Variants in MYO9B observed in about 807,000 individuals in gnomAD.
MYO9B encodes unconventional myosin-IXb.
In MYO9B, 71 loss-of-function variants were observed where a neutral mutation model predicts 229.5. The ratio of observed to expected loss-of-function variants is 0.31; its 90% CI spans 0.26 to 0.38. The LOEUF is 0.38. Ranked by LOEUF, MYO9B falls within the 10% of genes least tolerant of loss-of-function variation. MYO9B has a pLI of 1.00. For synonymous variants in MYO9B, 1,185 were observed against 1,235.8 expected, an observed-to-expected ratio of 0.96 and a Z score of 0.86; for missense variants, 2,255 against 2,920.5, an observed-to-expected ratio of 0.77 and a Z score of 5.25.
chr19:17,119,591 C>G (rs944895831), intron 2 of MYO9B, among the ~76,000 whole-genome samples: 1 of 152,134 alleles, frequency 6.6e-6, no homozygotes, highest in African/African-American at 2.4e-5. Context: ...CCCAGCACTT[C>G]AGGAGGCCGA....
chr19:17,125,610 C>A (rs1340413975), intron 2 of MYO9B, among the ~76,000 whole-genome samples: 1 of 152,158 alleles, frequency 6.6e-6, no homozygotes, highest in African/African-American at 2.4e-5. Context: ...GGGCCACGTC[C>A]TAGCCCTGGG....
chr19:17,121,980 C>T (rs2057970106), intron 2 of MYO9B, among the ~76,000 whole-genome samples: 1 of 149,764 alleles, frequency 6.7e-6, no homozygotes, highest in Non-Finnish European at 1.5e-5. Context: ...GAATGCAACC[C>T]TGTCTCAAAA....
chr19:17,144,969 C>CAAAAAAAAAAAAAAAAAA (rs58527501), intron 2 of MYO9B, among the ~76,000 whole-genome samples: 2 of 83,590 alleles, frequency 2.4e-5, no homozygotes, highest in East Asian at 3.1e-4. Context: ...GACTTCATCT[C>CAAAAAAAAAAAAAAAAAA]AAAAAAAAAA....
At chr19:17,142,421 T>C (rs1568271124) in intron 2 of MYO9B, among the ~76,000 whole-genome samples, 1 of 152,282 alleles carries the variant, frequency 6.6e-6, no homozygotes, top group East Asian at 1.9e-4. Context: ...TGAATGCCAC[T>C]GAATTGTACA....
At chr19:17,173,111 C>A in intron 13 of MYO9B, 148 bp downstream of exon 13, 1 of 1,024,434 alleles carries the variant, frequency 9.8e-7, no homozygotes, top group Non-Finnish European at 1.4e-6. Flanking sequence ...GTTCCTGTCA[C>A]CCTGAACAGA....
chr19:17,097,012 T>TA (rs1268280614), intron 1 of MYO9B, among the ~76,000 whole-genome samples: 1 of 151,494 alleles, frequency 6.6e-6, no homozygotes. Context: ...TTTTAAGAAA[T>TA]AGAGTCTCTG....
chr19:17,140,447 C>G (rs2072323970), intron 2 of MYO9B, among the ~76,000 whole-genome samples: 1 of 152,036 alleles, frequency 6.6e-6, no homozygotes, highest in Admixed American at 6.6e-5. Flanking sequence ...ACCTCATCAC[C>G]TCCCAAAGAC....
chr19:17,115,314 G>A (rs1199468172), intron 2 of MYO9B, among the ~76,000 whole-genome samples: 4 of 152,192 alleles, frequency 2.6e-5, no homozygotes, highest in East Asian at 1.9e-4. Context: ...GTGCAGAGCC[G>A]AGTAATTGCA....
At chr19:17,158,873 G>A (rs1031575234) in intron 7 of MYO9B, among the ~76,000 whole-genome samples, 1 of 152,182 alleles carries the variant, frequency 6.6e-6, no homozygotes, top group Non-Finnish European at 1.5e-5. Context: ...TGCTATGTGG[G>A]AATTCTGAAA....
intron 2 of MYO9B, among the ~76,000 whole-genome samples, chr19:17,143,181 G>T (rs137899627): frequency 6.6e-6 from 1 of 152,008 alleles, no homozygotes. Context: ...GGAGATTGCC[G>T]TGAGCTGAGA....
intron 22 of MYO9B, 139 bp from the exon 23 acceptor site, chr19:17,197,653 C>G: frequency 2.1e-6 from 2 of 952,626 alleles, no homozygotes; most frequent in South Asian, 3.1e-5. Context: ...GTGGTGACAA[C>G]CAAAACTGTC....
chr19:17,090,619 A>G (rs886748566), intron 1 of MYO9B, among the ~76,000 whole-genome samples: 1 of 152,152 alleles, frequency 6.6e-6, no homozygotes, highest in African/African-American at 2.4e-5. Context: ...TTGTTCTTAC[A>G]CAAGGCCTTG....
Position 17,195,574 on chromosome 19 carries a change from C to A in MYO9B, c.4046+101C>A. 1.4e-6 allele frequency: 2 copies of A among 1,417,404 alleles called. No homozygotes were observed. The highest frequency in any genetic ancestry group is 1.9e-6 in the Non-Finnish European group (2 of 1,050,218). 87.8% of individuals were successfully genotyped at this position (1,417,404 alleles called of 1,614,324 possible). A position where few individuals can be genotyped will look rare whatever the true frequency, so the allele number is the denominator to read the frequency against. On this transcript the variant is annotated intron_variant, in intron 22 of 39. Coordinates refer to ENST00000682292, the MANE Select transcript of MYO9B (RefSeq NM_004145.4). The surrounding 1 kb of genome is among the most constrained non-coding windows in gnomAD (Gnocchi z 4.5). ...TCCTGGAAACACATGTGTAATCATG[C>A]CCAGTGGGTGTGCGGGAGGCCTGAG...
intron 3 of MYO9B, 90 bp downstream of exon 3, chr19:17,145,581 A>G (rs1307996335): frequency 5.3e-6 from 6 of 1,132,462 alleles, no homozygotes; most frequent in Non-Finnish European, 8.0e-6. Flanking sequence ...TGTGGAGATC[A>G]TGGCTGTGTG....
At chr19:17,202,714 G>T in intron 28 of MYO9B, 128 bp from the exon 29 acceptor site, 1 of 948,344 alleles carries the variant, frequency 1.1e-6, no homozygotes. Flanking sequence ...GGGCGTTAGG[G>T]ACAATGATGC....
intron 19 of MYO9B, among the ~76,000 whole-genome samples, chr19:17,189,790 G>A (rs762140864): frequency 6.6e-6 from 1 of 151,950 alleles, no homozygotes; most frequent in Non-Finnish European, 1.5e-5. Flanking sequence ...TTGGCTGGGC[G>A]CAGTGGCTCA....
intron 2 of MYO9B, among the ~76,000 whole-genome samples, chr19:17,116,593 T>C (rs1379445975): frequency 5.3e-5 from 8 of 152,042 alleles, no homozygotes; most frequent in Admixed American, 5.2e-4. Flanking sequence ...TTTCCCCAGC[T>C]CTGGAGACAA....
intron 35 of MYO9B, among the ~76,000 whole-genome samples, chr19:17,208,433 CT>C (rs919188556): frequency 1.8e-4 from 27 of 146,082 alleles, no homozygotes; most frequent in Admixed American, 8.9e-4. Flanking sequence ...TAAAACAGAA[CT>C]TTTTTTTTTC....
chr19:17,202,328 C>A, intron 28 of MYO9B, 25 bp downstream of exon 28: 1 of 1,543,904 alleles, frequency 6.5e-7, no homozygotes. Flanking sequence ...ATGCCACGCC[C>A]ACCTGTGACA....
Sources: allele counts gnomAD v4.1 joint callset (sites outside exome capture counted in the v4.1 genomes callset), GRCh38; gene constraint gnomAD v4.1.1; non-coding constraint Gnocchi (gnomAD v3.1); transcripts MANE v1.5; gene names NCBI Gene and HGNC (gene_info 2026-07-23, HGNC 2026-07-21).